The following OR7E24 variants were observed in gnomAD, a reference collection of about 807,000 sequenced individuals.
OR7E24 encodes the protein olfactory receptor 7E24.
For synonymous variants in OR7E24, 130 were observed against 157.5 expected, an observed-to-expected ratio of 0.83 and a Z score of 1.31; for missense variants, 385 against 410.3, an observed-to-expected ratio of 0.94 and a Z score of 0.53.
At chr19:9,225,464 GGGAA>G in the OR7E24 span, among the ~76,000 whole-genome samples, 3 of 147,520 alleles carry the variant, frequency 2.0e-5, no homozygotes, top group African/African-American at 5.1e-5. Context: ...GAGGGAGGGA[GGGAA>G]GGAAGGAAGG....
At chr19:9,221,688 T>G in the OR7E24 span, among the ~76,000 whole-genome samples, 1 of 152,240 alleles carries the variant, frequency 6.6e-6, no homozygotes, top group East Asian at 1.9e-4. Flanking sequence ...GTTTTCTTCC[T>G]ACTGAGTTGT....
At chr19:9,236,295 G>A in the OR7E24 span, among the ~76,000 whole-genome samples, 13 of 152,086 alleles carry the variant, frequency 8.5e-5, no homozygotes, top group Non-Finnish European at 1.3e-4. Context: ...GGCAGATCAT[G>A]AGGTCAAGAG....
At chr19:9,235,822 A>G in the OR7E24 span, 4,161 of 1,611,052 alleles carry the variant, frequency 2.6e-3, 8 homozygotes, top group Non-Finnish European at 3.2e-3. Flanking sequence ...CTCCTTAATG[A>G]GAATGTCCTC....
chr19:9,250,293 C>T (rs2066141708), upstream of OR7E24, among the ~76,000 whole-genome samples: 1 of 152,054 alleles, frequency 6.6e-6, no homozygotes, highest in Non-Finnish European at 1.5e-5. Flanking sequence ...TGGGGTTTTG[C>T]TGTGTTTTCC....
At chr19:9,234,695 A>G in the OR7E24 span, among the ~76,000 whole-genome samples, 1 of 152,220 alleles carries the variant, frequency 6.6e-6, no homozygotes, top group Non-Finnish European at 1.5e-5. Flanking sequence ...CCCATAAATG[A>G]GTAAAACATG....
chr19:9,214,996 A>G, the OR7E24 span: 135 of 591,366 alleles, frequency 2.3e-4, no homozygotes, highest in Non-Finnish European at 3.6e-4. Context: ...AGGAAGTGGT[A>G]TCTATTTTTA....
At chr19:9,215,689 A>C in the OR7E24 span, among the ~76,000 whole-genome samples, 2 of 152,220 alleles carry the variant, frequency 1.3e-5, no homozygotes, top group African/African-American at 4.8e-5. Flanking sequence ...CACGGTAGGA[A>C]TATCAACAAA....
the OR7E24 span, among the ~76,000 whole-genome samples, chr19:9,222,193 C>T: frequency 1.3e-5 from 2 of 152,144 alleles, no homozygotes; most frequent in South Asian, 2.1e-4. Flanking sequence ...AGTTTTATGC[C>T]AGCACCATGC....
At chr19:9,249,245 T>C (rs1018898292), upstream of OR7E24, among the ~76,000 whole-genome samples, 1 of 152,210 alleles carries the variant, frequency 6.6e-6, no homozygotes, top group African/African-American at 2.4e-5. Flanking sequence ...TTGAGTTTCT[T>C]TCAACTCTGA....
chr19:9,242,075 C>T, the OR7E24 span, among the ~76,000 whole-genome samples: 1 of 152,130 alleles, frequency 6.6e-6, no homozygotes. Context: ...TCAAAAATTA[C>T]CCATTTGCAT....
At chr19:9,222,787 TA>T in the OR7E24 span, among the ~76,000 whole-genome samples, 7 of 152,314 alleles carry the variant, frequency 4.6e-5, no homozygotes, top group African/African-American at 1.4e-4. Flanking sequence ...GGATGTCTTT[TA>T]TTTTTTTTCT....
upstream of OR7E24, chr19:9,247,391 C>T (rs2066133415): frequency 2.5e-6 from 1 of 398,338 alleles, no homozygotes; most frequent in South Asian, 1.3e-4. Flanking sequence ...CATCAGGAGG[C>T]TCATGTCTGA....
upstream of OR7E24, among the ~76,000 whole-genome samples, chr19:9,242,873 T>C (rs1012796514): frequency 6.7e-6 from 1 of 149,400 alleles, no homozygotes; most frequent in Non-Finnish European, 1.5e-5. Context: ...CCTCATTCCC[T>C]CCTCTTTCTT....
chr19:9,241,478 C>T, the OR7E24 span, among the ~76,000 whole-genome samples: 3 of 152,032 alleles, frequency 2.0e-5, no homozygotes, highest in Non-Finnish European at 4.4e-5. Context: ...TTAAATATCC[C>T]GGCTCGACCA....
At chr19:9,233,070 A>C in the OR7E24 span, among the ~76,000 whole-genome samples, 1 of 152,120 alleles carries the variant, frequency 6.6e-6, no homozygotes, top group African/African-American at 2.4e-5. Context: ...GTCACGTGCA[A>C]CCAGGCATTT....
chr19:9,243,374 C>T (rs186559851), upstream of OR7E24, among the ~76,000 whole-genome samples: 532 of 147,722 alleles, frequency 3.6e-3, no homozygotes, highest in Non-Finnish European at 5.9e-3. Context: ...GCCAGTGTCT[C>T]ACAGTATTGT....
the OR7E24 span, chr19:9,235,169 T>C: frequency 1.7e-5 from 22 of 1,314,554 alleles, no homozygotes; most frequent in Non-Finnish European, 2.2e-5. Context: ...CTTACAGAAT[T>C]ATCAGAATTC....
At chr19:9,237,976 T>TA in the OR7E24 span, among the ~76,000 whole-genome samples, 3,862 of 152,122 alleles carry the variant, frequency 0.025, 71 homozygotes, top group Middle Eastern at 0.061. Flanking sequence ...AATACTTTTT[T>TA]AAAAAAACAA....
At chr19:9,214,522 T>A in the OR7E24 span, 45 of 1,613,852 alleles carry the variant, frequency 2.8e-5, no homozygotes, top group African/African-American at 4.0e-5. Context: ...CCAGCAAACA[T>A]CATTAAAAAA....
Sources: gnomAD v4.1 joint callset for allele counts (sites outside exome capture counted in the v4.1 genomes callset) on GRCh38, gnomAD v4.1.1 for gene constraint, MANE v1.5 for transcripts, NCBI Gene and HGNC (gene_info 2026-07-23, HGNC 2026-07-21) for gene names.